THAP12: variants seen among roughly 807,000 people sequenced by gnomAD.
THAP12 encodes the protein THAP domain containing 12, also known as 52 kDa repressor of the inhibitor of the protein kinase.
A neutral mutation model predicts 63.0 loss-of-function variants in THAP12; 20 were observed. The observed-to-expected ratio is 0.32, with a 90% CI of 0.22 to 0.46. THAP12 has a LOEUF of 0.46. THAP12 is among the 20% of genes least tolerant of loss of function. The pLI, the probability that THAP12 is intolerant of heterozygous loss-of-function variation, is 1.00. For missense variants in THAP12, 568 were observed against 908.2 expected (o/e 0.63, Z 4.81); for synonymous variants, 264 against 328.4 (o/e 0.80, Z 2.12).
intron 2 of THAP12, 26 bp downstream of exon 2, chr11:76,365,826 A>G (rs894384441): frequency 1.2e-6 from 2 of 1,603,682 alleles, no homozygotes; most frequent in Non-Finnish European, 1.7e-6. Context: ...TCAAACAGAG[A>G]GACACCAAGC....
Position 76,380,878 on chromosome 11 carries a change from C to T in THAP12, c.-42G>A. 7.7e-7 allele frequency: 1 copy of T among 1,305,292 alleles called. No individual in the cohort carries two copies. Among genetic ancestry groups the T allele is most frequent in the Non-Finnish European group, 9.9e-7 (1 of 1,008,164 alleles). 80.9% of individuals were successfully genotyped at this position (1,305,292 alleles called of 1,614,324 possible). ...GCCGGCCCAGCCCTCCCCTCCCCGC[C>T]TCCTCAGGGCAGTCCGCCCGCCCGT... On this transcript the variant is annotated 5_prime_UTR_variant, in exon 1 of 5. Coordinates refer to ENST00000260045, the MANE Select transcript of THAP12 (RefSeq NM_004705.4).
In THAP12 at chr11:76,352,315, A is replaced by T; in HGVS notation, c.835T>A (p.Leu279Met). Reference protein sequence around the residue: ...DIAGEEHLPVLVRFVDESHNL... With the variant: ...DIAGEEHLPVMVRFVDESHNL... ...TGAGATTCATCAACAAACCTCACCA[A>T]CACAGGTAGGTGCTCTTCCCCTGCT... Residue 279 changes from leucine to methionine, a missense_variant, in exon 5 of 5, where the codon TTG (leucine) becomes ATG (methionine). Leu to Met is a conservative substitution (Grantham distance 15). Coordinates refer to ENST00000260045, the MANE Select transcript of THAP12 (RefSeq NM_004705.4). 1 of 1,611,932 alleles carries T rather than the reference A, an allele frequency of 6.2e-7. No homozygotes were observed. The highest frequency in any genetic ancestry group is 8.5e-7 in the Non-Finnish European group (1 of 1,179,822).
intron 3 of THAP12, 92 bp downstream of exon 3, chr11:76,360,864 G>C: frequency 2.4e-6 from 2 of 843,102 alleles, no homozygotes; most frequent in East Asian, 2.5e-5. Context: ...GAAATAGAGA[G>C]TAATTTGGAT....
intron 1 of THAP12, chr11:76,368,495 C>G (rs2134510673): frequency 6.6e-6 from 1 of 152,092 alleles, no homozygotes; most frequent in South Asian, 2.1e-4. Flanking sequence ...CAGGGATAAC[C>G]AAGATAATCT....
intron 2 of THAP12, among the ~76,000 whole-genome samples, chr11:76,363,609 GAC>G (rs1946612779): frequency 7.0e-6 from 1 of 142,366 alleles, no homozygotes; most frequent in African/African-American, 2.7e-5. Context: ...TTGTTTTTGA[GAC>G]ACAGTCTCAC....
intron 2 of THAP12, among the ~76,000 whole-genome samples, chr11:76,362,806 T>A (rs1176314337): frequency 6.6e-6 from 1 of 152,160 alleles, no homozygotes; most frequent in Non-Finnish European, 1.5e-5. Flanking sequence ...ATATTATAGA[T>A]CAGAAAACAG....
intron 4 of THAP12, among the ~76,000 whole-genome samples, chr11:76,353,145 A>C (rs1201705953): frequency 6.6e-6 from 1 of 152,170 alleles, no homozygotes; most frequent in Non-Finnish European, 1.5e-5. Flanking sequence ...CCTCAGCTCC[A>C]AAGTACAAGG....
intron 3 of THAP12, among the ~76,000 whole-genome samples, chr11:76,360,336 C>A (rs1275962275): frequency 6.6e-6 from 1 of 151,870 alleles, no homozygotes; most frequent in African/African-American, 2.4e-5. Context: ...AATAATAAAG[C>A]AAAATAAGGG....
At chr11:76,378,483 AT>A (rs1946726533) in intron 1 of THAP12, among the ~76,000 whole-genome samples, 1 of 152,012 alleles carries the variant, frequency 6.6e-6, no homozygotes, top group African/African-American at 2.4e-5. Context: ...ATTTATCTGT[AT>A]TTTTTTCCTA....
At chr11:76,372,111 T>C (rs1202542251) in intron 1 of THAP12, among the ~76,000 whole-genome samples, 1 of 150,070 alleles carries the variant, frequency 6.7e-6, no homozygotes, top group African/African-American at 2.5e-5. Context: ...GTGCCTGGCC[T>C]ATCTTTTATT....
chr11:76,352,413 A>G lies in THAP12; in HGVS notation c.737T>C (p.Ile246Thr), dbSNP rs373006342. The G allele has an allele frequency of 6.2e-7, 1 of 1,611,922 alleles. No individual in the cohort carries two copies. Among genetic ancestry groups the G allele is most frequent in the Non-Finnish European group, 8.5e-7 (1 of 1,179,802 alleles). The change falls in exon 5 of 5, where the codon ATT becomes ACT. Residue 246 changes from isoleucine to threonine, a missense_variant. Transcript: ENST00000260045. ...CACTTCCCTGAGAGTTTCTTCTCGA[A>G]TACAGCTCTCACAGATCTCTAGCAT... is the stretch of plus-strand genomic sequence containing the variant. ...RQMLEICESC[I>T]REETLREVRD...
In THAP12 at chr11:76,365,940, G is replaced by C; in HGVS notation, c.122C>G (p.Ala41Gly). 1 of 1,613,356 alleles carries C rather than the reference G, an allele frequency of 6.2e-7. No homozygotes were observed. The highest frequency in any genetic ancestry group is 8.5e-7 in the Non-Finnish European group (1 of 1,179,600). ...CQKWVENCRRADLEDKTPDQL... is the reference protein window; with the variant it reads ...CQKWVENCRRGDLEDKTPDQL... ...ATCAGGTGTTTTATCTTCTAAGTCT[G>C]CTCTCCTACAGTTCTCCACCCACTT... The change falls in exon 2 of 5, where the codon GCA becomes GGA. Residue 41 changes from alanine to glycine, a missense_variant. Transcript: ENST00000260045.
chr11:76,350,863 CTT>C lies in THAP12; in HGVS notation c.2285_2286del (p.Ter762=). 1 of 1,522,174 alleles carries C rather than the reference CTT, an allele frequency of 6.6e-7. No homozygotes were observed. The highest frequency in any genetic ancestry group is 8.8e-7 in the Non-Finnish European group (1 of 1,139,138). 94.3% of individuals were successfully genotyped at this position (1,522,174 alleles called of 1,614,324 possible). Reference sequence around the variant, plus strand: ...TAAGAAAGCCTATTTTTAAAAGTCTCTTAGGTATTTTCCACAGTTTCGGAATT... The same window carrying C: ...TAAGAAAGCCTATTTTTAAAAGTCTCAGGTATTTTCCACAGTTTCGGAATT... ...TDNSETVENT[*>X] On this transcript the variant is annotated frameshift_variant and stop_lost, in exon 5 of 5. Transcript: ENST00000260045. LOFTEE classifies it high-confidence loss of function.
Position 76,351,745 on chromosome 11 carries a change from C to G in THAP12, c.1405G>C (p.Val469Leu), listed in dbSNP as rs140225721. ...WNNYIAGRAF[V>L]LCSAVSDFDF... ...AAATCTGACACTGCACTGCAGAGTA[C>G]AAATGCTCGGCCAGCTATATAGTTA... Residue 469 changes from valine (V) to leucine (L), a missense_variant, in exon 5 of 5, where the codon GTA (valine) becomes CTA (leucine). Transcript: ENST00000260045. The G allele has an allele frequency of 3.3e-5, 53 of 1,613,496 alleles. No homozygotes were observed. The African/African-American group carries it at 6.9e-4, about 21-fold the overall frequency.
intron 4 of THAP12, among the ~76,000 whole-genome samples, chr11:76,353,061 T>A (rs1194727286): frequency 6.6e-6 from 1 of 152,070 alleles, no homozygotes; most frequent in Non-Finnish European, 1.5e-5. Flanking sequence ...TTTTTTTTTT[T>A]AAGAAGTAGA....
chr11:76,374,200 T>C (rs1162233388), intron 1 of THAP12, among the ~76,000 whole-genome samples: 2 of 152,224 alleles, frequency 1.3e-5, no homozygotes, highest in Non-Finnish European at 2.9e-5. Flanking sequence ...TTCTTCAAGA[T>C]TAGTTGAAAT....
Position 76,351,012 on chromosome 11 carries a change from G to C in THAP12, c.2138C>G (p.Thr713Arg). The C allele has an allele frequency of 6.2e-7, 1 of 1,611,970 alleles. No individual in the cohort carries two copies. The highest frequency in any genetic ancestry group is 8.5e-7 in the Non-Finnish European group (1 of 1,179,806). ...RLKAYLRNTL[T>R]DQRSSNLALL... The stretch of plus-strand genomic sequence containing the variant: ...AGCCAAGTTACTTGACCTTTGGTCT[G>C]TCAAAGTGTTCCTCAAATATGCTTT... Residue 713 changes from threonine to arginine, a missense_variant, in exon 5 of 5, where the codon ACA (threonine) becomes AGA (arginine). By Grantham distance (71) the Thr-to-Arg change is moderately conservative (BLOSUM62 -1). Transcript: ENST00000260045.
intron 4 of THAP12, 125 bp downstream of exon 4, chr11:76,355,493 T>C (rs756818924): frequency 1.8e-4 from 152 of 846,326 alleles, no homozygotes; most frequent in Non-Finnish European, 2.5e-4. Context: ...CAGGACAAAA[T>C]TGAGCACACT....
intron 3 of THAP12, chr11:76,357,756 T>C (rs577641027): frequency 7.2e-5 from 11 of 152,010 alleles, no homozygotes; most frequent in African/African-American, 2.7e-4. Flanking sequence ...AGAAAAACAA[T>C]CCTATGTTAA....
Sources: allele counts gnomAD v4.1 joint callset (sites outside exome capture counted in the v4.1 genomes callset), GRCh38; gene constraint gnomAD v4.1.1; transcripts MANE v1.5; gene names NCBI Gene and HGNC (gene_info 2026-07-23, HGNC 2026-07-21).